UBXN7: variants seen among roughly 807,000 people sequenced by gnomAD.
The protein encoded by UBXN7 is UBX domain protein 7.
In UBXN7, 9 loss-of-function variants were observed where a neutral mutation model predicts 58.0. The ratio of observed to expected loss-of-function variants is 0.16; its 90% CI spans 0.09 to 0.27. The LOEUF (loss-of-function observed/expected upper bound fraction) is 0.27. Among genes scored for constraint, UBXN7 ranks in the 10% least tolerant of loss-of-function variants. UBXN7 has a pLI of 1.00. For synonymous variants in UBXN7, 208 were observed against 205.0 expected (o/e 1.01, Z -0.12); for missense variants, 328 against 599.6 (o/e 0.55, Z 4.73).
intron 3 of UBXN7, among the ~76,000 whole-genome samples, chr3:196,401,883 C>T (rs10881567): frequency 0.53 from 78,547 of 149,150 alleles, 21,117 homozygotes; most frequent in East Asian, 0.9. Flanking sequence ...TTGGGTACTA[C>T]GCTCATTACC....
rs189947397 is a variant in UBXN7 at position 196,370,023 on chromosome 3, G to A, written c.616-512C>T. Among the ~76,000 whole-genome samples the A allele has an allele frequency of 4.3e-3, 646 of 151,782 alleles. 5 individuals are homozygous for A. Among genetic ancestry groups the A allele is most frequent in the African/African-American group, 0.014 (586 of 41,332 alleles). ...CAGGCGCTTGTAGTCCCAGCTACTCGGGAGACTGAAGCAGGGGAATCGCTT... is the reference window on the plus strand; with the variant it reads ...CAGGCGCTTGTAGTCCCAGCTACTCAGGAGACTGAAGCAGGGGAATCGCTT... On this transcript the variant is annotated intron_variant, in intron 6 of 10. Transcript: ENST00000296328.
At chr3:196,388,192 G>A (rs1258566643) in intron 5 of UBXN7, among the ~76,000 whole-genome samples, 1 of 150,826 alleles carries the variant, frequency 6.6e-6, no homozygotes, top group Non-Finnish European at 1.5e-5. Flanking sequence ...CTATCACAAG[G>A]ACAGAAAACC....
chr3:196,382,395 A>C lies in UBXN7; in HGVS notation c.468+9418T>G, dbSNP rs189568445. ...TTCATATCCAGCCAAACTAAGCTTC[A>C]TAAGTGAAGGAGAAATAAAATACTT... On this transcript the variant is annotated intron_variant, in intron 5 of 10. Coordinates refer to ENST00000296328, the MANE Select transcript of UBXN7 (RefSeq NM_015562.2). Among the ~76,000 whole-genome samples the C allele has an allele frequency of 6.5e-3, 997 of 152,360 alleles. 5 individuals carry two copies. Among genetic ancestry groups the C allele is most frequent in the Non-Finnish European group, 9.2e-3 (629 of 68,030 alleles).
intron 5 of UBXN7, among the ~76,000 whole-genome samples, chr3:196,382,447 T>C (rs984131806): frequency 3.3e-5 from 5 of 152,130 alleles, no homozygotes; most frequent in African/African-American, 7.2e-5. Context: ...CTGAGACATT[T>C]TGTCACCACC....
intron 5 of UBXN7, among the ~76,000 whole-genome samples, chr3:196,385,081 T>C (rs1200532624): frequency 1.3e-5 from 2 of 152,216 alleles, no homozygotes; most frequent in African/African-American, 4.8e-5. Flanking sequence ...TGCCGCCATC[T>C]CGACTCACTG....
chr3:196,350,162 A>C lies in UBXN7; in HGVS notation c.*6523T>G, dbSNP rs1348287761. 6.6e-6 allele frequency: 1 copy of C among 152,254 alleles called. No homozygotes were observed. The highest frequency in any genetic ancestry group is 1.5e-5 in the Non-Finnish European group (1 of 68,040). The allele number at this position is 152,254 out of a possible 1,614,324, so 9.4% of individuals were successfully genotyped here. On this transcript the variant is annotated 3_prime_UTR_variant, in exon 11 of 11. Coordinates refer to ENST00000296328, the MANE Select transcript of UBXN7 (RefSeq NM_015562.2). ...TCTTTTGAAAATACTTTCTCATTAC[A>C]GGAATGCTAAATTATGTTTATTAAA...
chr3:196,361,494 T>C (rs1728504484), intron 10 of UBXN7, among the ~76,000 whole-genome samples: 2 of 152,098 alleles, frequency 1.3e-5, no homozygotes. Context: ...CAGCACATGC[T>C]ACAGAGAAAT....
chr3:196,378,298 C>T (rs2108837684), intron 5 of UBXN7, among the ~76,000 whole-genome samples: 1 of 152,290 alleles, frequency 6.6e-6, no homozygotes, highest in Non-Finnish European at 1.5e-5. Context: ...GTGTCCCTTG[C>T]AAATGGGTGT....
At chr3:196,424,960 C>T (rs1730802991) in intron 1 of UBXN7, among the ~76,000 whole-genome samples, 1 of 152,130 alleles carries the variant, frequency 6.6e-6, no homozygotes, top group Non-Finnish European at 1.5e-5. Context: ...CCTCGGCCTC[C>T]CAAAGTGCTG....
At chr3:196,424,383 A>G (rs575760521) in intron 1 of UBXN7, among the ~76,000 whole-genome samples, 1 of 104,902 alleles carries the variant, frequency 9.5e-6, no homozygotes, top group Non-Finnish European at 1.9e-5. Flanking sequence ...TCTTTTCCTA[A>G]TTTTTTTTTT....
intron 10 of UBXN7, among the ~76,000 whole-genome samples, chr3:196,357,922 A>G (rs1728394986): frequency 6.6e-6 from 1 of 151,932 alleles, no homozygotes; most frequent in Non-Finnish European, 1.5e-5. Context: ...AGTCCCAGCT[A>G]CCGGGAAGGT....
intron 2 of UBXN7, among the ~76,000 whole-genome samples, chr3:196,405,473 AAAAAAAAAAGAAAAG>A (rs1447911929): frequency 1.1e-4 from 16 of 151,666 alleles, no homozygotes; most frequent in Non-Finnish European, 2.2e-4. Flanking sequence ...CCGTCTCAAA[AAAAAAAAAAGAAAAG>A]AAAAAAAAAG....
In UBXN7 at chr3:196,356,479, G is replaced by T. The variant is rs986847608; in HGVS notation, c.*206C>A. On this transcript the variant is annotated 3_prime_UTR_variant, in exon 11 of 11. Transcript: ENST00000296328. ...AGGGGGAGGCAGAAGGGTACGGAGTGGGGAGCGAGAAAACAGAAGAGGAGA... is the reference window on the plus strand; with the variant it reads ...AGGGGGAGGCAGAAGGGTACGGAGTTGGGAGCGAGAAAACAGAAGAGGAGA... 1.9e-6 allele frequency: 1 copy of T among 520,594 alleles called. No homozygotes were observed. Among genetic ancestry groups the T allele is most frequent in the Non-Finnish European group, 3.3e-6 (1 of 304,916 alleles). The allele number at this position is 520,594 out of a possible 1,614,324, so 32.2% of individuals were successfully genotyped here.
chr3:196,348,429 C>T lies in UBXN7; in HGVS notation c.*8256G>A, dbSNP rs1416624112. On this transcript the variant is annotated 3_prime_UTR_variant, in exon 11 of 11. Transcript: ENST00000296328. ...AAACATTACAACAGGAGCACTGTCT[C>T]TGTTATCTTCTTGGATTCAATCACA... 1 of 152,132 alleles carries T rather than the reference C, an allele frequency of 6.6e-6. No homozygotes were observed. Among genetic ancestry groups the T allele is most frequent in the Non-Finnish European group, 1.5e-5 (1 of 68,034 alleles). The allele number at this position is 152,132 out of a possible 1,614,324, so 9.4% of individuals were successfully genotyped here.
intron 6 of UBXN7, 114 bp downstream of exon 6, chr3:196,371,782 C>T (rs755196478): frequency 2.1e-5 from 29 of 1,357,908 alleles, no homozygotes; most frequent in Non-Finnish European, 2.6e-5. Context: ...TGCCCCCAGC[C>T]GGCTTTACCT....
intron 1 of UBXN7, among the ~76,000 whole-genome samples, chr3:196,407,962 G>C (rs1241987526): frequency 1.3e-5 from 2 of 150,480 alleles, no homozygotes; most frequent in Non-Finnish European, 2.9e-5. Flanking sequence ...GCCAGGCATG[G>C]TGGTACACAC....
chr3:196,426,511 T>C (rs897698523), intron 1 of UBXN7, among the ~76,000 whole-genome samples: 1 of 151,832 alleles, frequency 6.6e-6, no homozygotes, highest in Non-Finnish European at 1.5e-5. Context: ...AACTTAATCA[T>C]AGTTTAATAT....
At chr3:196,415,711 G>T (rs1730460527) in intron 1 of UBXN7, among the ~76,000 whole-genome samples, 1 of 151,722 alleles carries the variant, frequency 6.6e-6, no homozygotes, top group South Asian at 2.1e-4. Context: ...GAACCAGGGA[G>T]TCAAAGGTTG....
intron 5 of UBXN7, among the ~76,000 whole-genome samples, chr3:196,389,778 A>C (rs1398092095): frequency 1.3e-5 from 2 of 152,232 alleles, no homozygotes; most frequent in Non-Finnish European, 2.9e-5. Context: ...ATTCCTTTCT[A>C]GCAATGCAAG....
Sources: allele counts gnomAD v4.1 joint callset (sites outside exome capture counted in the v4.1 genomes callset), GRCh38; gene constraint gnomAD v4.1.1; transcripts MANE v1.5; gene names NCBI Gene and HGNC (gene_info 2026-07-23, HGNC 2026-07-21).